UBTD1: variants seen among roughly 807,000 people sequenced by gnomAD.
UBTD1 encodes ubiquitin domain containing 1, also known as ubiquitin domain-containing protein 1.
A neutral mutation model predicts 21.7 loss-of-function variants in UBTD1; 19 were observed. The observed-to-expected ratio is 0.87, with a 90% CI of 0.61 to 1.28. The LOEUF (loss-of-function observed/expected upper bound fraction) is 1.28. UBTD1 is among the 50% of genes most tolerant of loss of function. The pLI is 0.00. For missense variants in UBTD1, 282 were observed against 315.1 expected (o/e 0.89, Z 0.80); for synonymous variants, 116 against 135.1 (o/e 0.86, Z 0.98).
At chr10:97,512,093 A>G (rs1204626573) in intron 1 of UBTD1, among the ~76,000 whole-genome samples, 1 of 152,216 alleles carries the variant, frequency 6.6e-6, no homozygotes, top group African/African-American at 2.4e-5. Flanking sequence ...ATGGAGAGTC[A>G]GTTCATCTCC....
chr10:97,503,866 A>T (rs1286273224), intron 1 of UBTD1, among the ~76,000 whole-genome samples: 1 of 152,118 alleles, frequency 6.6e-6, no homozygotes, highest in East Asian at 1.9e-4. Flanking sequence ...CTCCTCCCAC[A>T]TTTATAATTT....
chr10:97,541,937 T>C (rs746514619), intron 1 of UBTD1, among the ~76,000 whole-genome samples: 3 of 152,008 alleles, frequency 2.0e-5, no homozygotes, highest in Non-Finnish European at 2.9e-5. Flanking sequence ...AGTTTCACCA[T>C]GTTTACCAGG....
At chr10:97,549,090 C>G (rs952835012) in intron 1 of UBTD1, among the ~76,000 whole-genome samples, 1 of 152,330 alleles carries the variant, frequency 6.6e-6, no homozygotes, top group African/African-American at 2.4e-5. Flanking sequence ...GCCCCCTTGT[C>G]CGTATCTGTG....
chr10:97,569,987 T>G, intron 2 of UBTD1, 151 bp from the exon 3 acceptor site: 1 of 1,181,542 alleles, frequency 8.5e-7, no homozygotes, highest in Non-Finnish European at 1.2e-6. Flanking sequence ...TATGACCTCA[T>G]TTAACTTTAT....
At chr10:97,546,935 GTC>G (rs1180952093) in intron 1 of UBTD1, among the ~76,000 whole-genome samples, 1 of 151,884 alleles carries the variant, frequency 6.6e-6, no homozygotes, top group Non-Finnish European at 1.5e-5. Context: ...CTCTGTCTCC[GTC>G]TCTCTCTCGG....
rs58855391 is a variant in UBTD1, at chr10:97,534,015, G to A, written c.71-33899G>A. Reference sequence around the variant, plus strand: ...CACAGCCCATCTGCCCTAGGCCAGCGGGGCCCTGAAGCCTTCTACTGCCTG... The same window carrying A: ...CACAGCCCATCTGCCCTAGGCCAGCAGGGCCCTGAAGCCTTCTACTGCCTG... On this transcript the variant is annotated intron_variant, in intron 1 of 2. Coordinates refer to ENST00000370664, the MANE Select transcript of UBTD1 (RefSeq NM_024954.5). Among the ~76,000 whole-genome samples the A allele has an allele frequency of 3.9e-5, 6 of 152,228 alleles. No homozygotes were observed. The East Asian group carries it at 7.7e-4, about 20-fold the overall frequency.
Position 97,570,491 on chromosome 10 carries a change from A to G in UBTD1, c.652A>G (p.Ile218Val), listed in dbSNP as rs947410430. The G allele has an allele frequency of 6.2e-7, 1 of 1,609,752 alleles. No homozygotes were observed. Among genetic ancestry groups the G allele is most frequent in the East Asian group, 2.2e-5 (1 of 44,764 alleles). Reference sequence around the variant, plus strand: ...CCAGAAAGATTTTGTCATCCAGGTCATCATCAACCAGCCCCCACCACCCCA... The same window carrying G: ...CCAGAAAGATTTTGTCATCCAGGTCGTCATCAACCAGCCCCCACCACCCCA... ...KIQKDFVIQV[I>V]INQPPPPQD The change falls in exon 3 of 3, where the codon ATC becomes GTC. Residue 218 changes from isoleucine to valine, a missense_variant. Coordinates refer to ENST00000370664, the MANE Select transcript of UBTD1 (RefSeq NM_024954.5). The surrounding 1 kb of genome is among the most constrained non-coding windows in gnomAD (Gnocchi z 6.6).
intron 1 of UBTD1, among the ~76,000 whole-genome samples, chr10:97,512,211 G>T (rs1048858961): frequency 6.6e-6 from 1 of 152,178 alleles, no homozygotes; most frequent in Non-Finnish European, 1.5e-5. Flanking sequence ...CCTGGCCCAG[G>T]CAGCAGATCC....
At chr10:97,548,196 C>T (rs1048967416) in intron 1 of UBTD1, among the ~76,000 whole-genome samples, 1 of 152,192 alleles carries the variant, frequency 6.6e-6, no homozygotes, top group Non-Finnish European at 1.5e-5. Flanking sequence ...AGAGAGGCTA[C>T]AGTGTCTTTT....
intron 1 of UBTD1, among the ~76,000 whole-genome samples, chr10:97,513,999 T>C (rs2040432883): frequency 6.6e-6 from 1 of 150,508 alleles, no homozygotes; most frequent in Non-Finnish European, 1.5e-5. Context: ...GGTGCCTCTT[T>C]TTCTTTTCTT....
chr10:97,516,788 C>T (rs2040446505), intron 1 of UBTD1, among the ~76,000 whole-genome samples: 1 of 152,008 alleles, frequency 6.6e-6, no homozygotes, highest in Non-Finnish European at 1.5e-5. Context: ...AAAAAGAAAC[C>T]CATCTCCTCG....
rs565815039 is a variant in UBTD1 at position 97,536,240 on chromosome 10, C to T, written c.71-31674C>T. 2.0e-5 allele frequency among the ~76,000 whole-genome samples: 3 copies of T among 152,232 alleles called. No homozygotes were observed. In the South Asian group the frequency reaches 6.2e-4, roughly 32 times the overall value. ...CTCCTGACCTCATGTGATCCATCCG[C>T]CTCCGCCTCCCAAAGTGCTGGGATT... On this transcript the variant is annotated intron_variant, in intron 1 of 2. Coordinates refer to ENST00000370664, the MANE Select transcript of UBTD1 (RefSeq NM_024954.5).
At chr10:97,561,380 G>C (rs553358710) in intron 1 of UBTD1, among the ~76,000 whole-genome samples, 176 of 152,172 alleles carry the variant, frequency 1.2e-3, no homozygotes, top group African/African-American at 1.8e-3. Context: ...GTAGAAGGAA[G>C]GGCTTTATTC....
intron 1 of UBTD1, among the ~76,000 whole-genome samples, chr10:97,510,029 C>A (rs569876212): frequency 6.6e-6 from 1 of 151,822 alleles, no homozygotes; most frequent in East Asian, 1.9e-4. Flanking sequence ...ATGGCACAAT[C>A]TCAGCTCACT....
chr10:97,502,031 G>C (rs970755381), intron 1 of UBTD1, among the ~76,000 whole-genome samples: 1 of 152,132 alleles, frequency 6.6e-6, no homozygotes, highest in South Asian at 2.1e-4. Flanking sequence ...TTGAAGACCT[G>C]GGTTCTGTCT....
chr10:97,517,807 T>C (rs1023956179), intron 1 of UBTD1, among the ~76,000 whole-genome samples: 12 of 152,098 alleles, frequency 7.9e-5, no homozygotes, highest in African/African-American at 2.7e-4. Flanking sequence ...GGTCTAGGAA[T>C]GACCAACTGC....
At chr10:97,524,382 T>C (rs2040479117) in intron 1 of UBTD1, among the ~76,000 whole-genome samples, 1 of 152,140 alleles carries the variant, frequency 6.6e-6, no homozygotes, top group African/African-American at 2.4e-5. Flanking sequence ...ATTACAAGCA[T>C]GAGCCACCAA....
At chr10:97,548,664 C>T (rs192574600) in intron 1 of UBTD1, among the ~76,000 whole-genome samples, 20 of 152,310 alleles carry the variant, frequency 1.3e-4, no homozygotes, top group Admixed American at 2.6e-4. Context: ...GTAATCCCAG[C>T]TACTTGGGAG....
intron 1 of UBTD1, among the ~76,000 whole-genome samples, chr10:97,535,651 A>T (rs1456224093): frequency 6.6e-6 from 1 of 152,146 alleles, no homozygotes; most frequent in Admixed American, 6.6e-5. Flanking sequence ...AATTACTTGC[A>T]GCTGTAGTGG....
Sources: gnomAD v4.1 joint callset for allele counts (sites outside exome capture counted in the v4.1 genomes callset) on GRCh38, gnomAD v4.1.1 for gene constraint, Gnocchi (gnomAD v3.1) non-coding constraint, MANE v1.5 for transcripts, NCBI Gene and HGNC (gene_info 2026-07-23, HGNC 2026-07-21) for gene names.